Variants in C13orf42 observed in about 807,000 individuals in gnomAD.
C13orf42 encodes the protein uncharacterized protein C13orf42.
intron 1 of C13orf42, among the ~76,000 whole-genome samples, chr13:51,150,368 GC>G (rs1215642026): frequency 1.3e-5 from 2 of 152,118 alleles, no homozygotes; most frequent in Non-Finnish European, 2.9e-5. Flanking sequence ...TCAATACTGG[GC>G]TTTATTCTTA....
intron 1 of C13orf42, among the ~76,000 whole-genome samples, chr13:51,097,712 T>G (rs1052973446): frequency 2.0e-5 from 3 of 151,280 alleles, no homozygotes; most frequent in African/African-American, 7.3e-5. Flanking sequence ...AACTCACAAC[T>G]CCAAGCAAAA....
At chr13:51,157,199 C>T (rs1341986948) in intron 1 of C13orf42, among the ~76,000 whole-genome samples, 3 of 152,100 alleles carry the variant, frequency 2.0e-5, no homozygotes, top group African/African-American at 7.2e-5. Context: ...TTTGGGAGGC[C>T]GAGGCGGACG....
chr13:51,135,046 G>A (rs566910192), intron 1 of C13orf42, among the ~76,000 whole-genome samples: 4 of 152,316 alleles, frequency 2.6e-5, no homozygotes, highest in Admixed American at 2.6e-4. Flanking sequence ...CCTGCCCTGG[G>A]CAAAGCTCAC....
At chr13:51,157,438 GATAAAATAAAATAAA>G (rs140215536) in intron 1 of C13orf42, among the ~76,000 whole-genome samples, 1,664 of 151,916 alleles carry the variant, frequency 0.011, 27 homozygotes, top group African/African-American at 0.037. Flanking sequence ...CATCTCAAAA[GATAAAATAAAATAAA>G]ATAAAATAAA....
intron 1 of C13orf42, among the ~76,000 whole-genome samples, chr13:51,147,295 A>T (rs1953743017): frequency 6.6e-6 from 1 of 152,220 alleles, no homozygotes; most frequent in Admixed American, 6.5e-5. Context: ...GCTATAGGAC[A>T]AATCCCGCTT....
chr13:51,108,901 TG>T (rs1953393086), intron 1 of C13orf42, among the ~76,000 whole-genome samples: 1 of 152,252 alleles, frequency 6.6e-6, no homozygotes. Context: ...GGGCTAGAAC[TG>T]GTCATTCTGC....
At chr13:51,141,095 G>GGTGTGTGTGTGTGT (rs3043870) in intron 1 of C13orf42, among the ~76,000 whole-genome samples, 2,293 of 128,466 alleles carry the variant, frequency 0.018, 38 homozygotes, top group East Asian at 0.026. Flanking sequence ...ATCGAAGGGA[G>GGTGTGTGTGTGTGT]GTGTGTGTGT....
At chr13:51,150,226 G>A (rs1023761190) in intron 1 of C13orf42, among the ~76,000 whole-genome samples, 4 of 152,208 alleles carry the variant, frequency 2.6e-5, no homozygotes, top group African/African-American at 7.2e-5. Context: ...CAGAATTGGG[G>A]ATATTTTTTA....
At chr13:51,143,300 C>T (rs577939308) in intron 1 of C13orf42, among the ~76,000 whole-genome samples, 10 of 152,138 alleles carry the variant, frequency 6.6e-5, no homozygotes, top group South Asian at 4.2e-4. Flanking sequence ...AAGAGGTGGG[C>T]GCATAAGATT....
chr13:51,088,128 A>C (rs969933104), intron 1 of C13orf42, 53 bp from the exon 2 acceptor site: 8 of 398,212 alleles, frequency 2.0e-5, no homozygotes, highest in Non-Finnish European at 3.1e-5. Context: ...TAAGCCAGAG[A>C]CTCAGAAAAG....
At chr13:51,105,677 A>C (rs1435040354) in intron 1 of C13orf42, among the ~76,000 whole-genome samples, 1 of 152,218 alleles carries the variant, frequency 6.6e-6, no homozygotes, top group Non-Finnish European at 1.5e-5. Context: ...CAGCTGAATT[A>C]GCTTCTATGA....
intron 1 of C13orf42, among the ~76,000 whole-genome samples, chr13:51,102,503 A>G (rs1165947157): frequency 6.6e-6 from 1 of 152,230 alleles, no homozygotes; most frequent in Non-Finnish European, 1.5e-5. Flanking sequence ...ACTAAAAATC[A>G]ATCACTTTTG....
At position 51,125,076 on chromosome 13, in the gene C13orf42, G is replaced by A. The variant is rs186178617; in HGVS notation, n.137-11854C>T. On this transcript the variant is annotated intron_variant and non_coding_transcript_variant, in intron 1 of 4. Coordinates refer to the C13orf42 transcript ENST00000433280. ...TAGCTGGAAAAAGGGCCTAAAGATCGTTTCAGAGCTCTAAAGGTACAGTAC... is the reference window on the plus strand; with the variant it reads ...TAGCTGGAAAAAGGGCCTAAAGATCATTTCAGAGCTCTAAAGGTACAGTAC... Among the ~76,000 whole-genome samples, 49 of 152,156 alleles carry A rather than the reference G, an allele frequency of 3.2e-4. 1 individual carries two copies. Among genetic ancestry groups the A allele is most frequent in the Middle Eastern group, 3.4e-3 (1 of 294 alleles).
intron 1 of C13orf42, among the ~76,000 whole-genome samples, chr13:51,130,509 G>A (rs181497026): frequency 6.6e-6 from 1 of 152,254 alleles, no homozygotes; most frequent in Non-Finnish European, 1.5e-5. Context: ...GATGGTCTGT[G>A]TACATTGTAA....
At chr13:51,099,619 C>T (rs781183914) in intron 1 of C13orf42, among the ~76,000 whole-genome samples, 10 of 152,124 alleles carry the variant, frequency 6.6e-5, no homozygotes, top group Non-Finnish European at 1.2e-4. Flanking sequence ...CTTACTTTTT[C>T]CCCAGCTTTA....
intron 1 of C13orf42, among the ~76,000 whole-genome samples, chr13:51,129,169 G>A (rs1249420494): frequency 6.6e-6 from 1 of 152,178 alleles, no homozygotes; most frequent in Non-Finnish European, 1.5e-5. Context: ...GCTGCTCAGG[G>A]CCAGCCGCAG....
At chr13:51,108,593 CAG>C (rs1555266337) in intron 1 of C13orf42, among the ~76,000 whole-genome samples, 1 of 152,216 alleles carries the variant, frequency 6.6e-6, no homozygotes, top group Non-Finnish European at 1.5e-5. Flanking sequence ...TCCAACATTT[CAG>C]AGTCAGTGAA....
chr13:51,111,152 C>T lies in C13orf42; in HGVS notation c.58G>A (p.Glu20Lys). 7.5e-6 allele frequency: 3 copies of T among 398,610 alleles called. No individual in the cohort carries two copies. Among genetic ancestry groups the T allele is most frequent in the Non-Finnish European group, 1.3e-5 (3 of 226,068 alleles). The allele number at this position is 398,610 out of a possible 1,614,324, so 24.7% of individuals were successfully genotyped here. A position where few individuals can be genotyped will look rare whatever the true frequency, so the allele number is the denominator to read the frequency against. Residue 20 changes from glutamate (E) to lysine (K), a missense_variant, in exon 1 of 4, where the codon GAG (glutamate) becomes AAG (lysine). Glu to Lys is a moderately conservative substitution (Grantham distance 56, BLOSUM62 1). Coordinates refer to ENST00000563710, the MANE Select transcript of C13orf42 (RefSeq NM_001351589.3). ...CTGGCTCCTTCGTAGAAGGGGCTCT[C>T]GGCCGCCGTCTTTCTCTGTGGGCTG... Reference protein sequence around the residue: ...NSSPQRKTAAESPFYEGASPA... With the variant: ...NSSPQRKTAAKSPFYEGASPA...
At chr13:51,091,883 A>C (rs911920697) in intron 1 of C13orf42, among the ~76,000 whole-genome samples, 1 of 152,172 alleles carries the variant, frequency 6.6e-6, no homozygotes, top group Non-Finnish European at 1.5e-5. Flanking sequence ...GATACAGGTC[A>C]TTGAGGGACG....
Sources: gnomAD v4.1 joint callset for allele counts (sites outside exome capture counted in the v4.1 genomes callset) on GRCh38, gnomAD v4.1.1 for gene constraint, MANE v1.5 for transcripts, NCBI Gene and HGNC (gene_info 2026-07-23, HGNC 2026-07-21) for gene names.